Variants in RAD50 observed in about 807,000 individuals in gnomAD.
The protein encoded by RAD50 is RAD50 double strand break repair protein.
In RAD50, 132 loss-of-function variants were observed where a neutral mutation model predicts 168.8. The observed-to-expected ratio is 0.78, with a 90% CI of 0.68 to 0.90. The LOEUF is 0.90. Among genes scored for constraint, RAD50 ranks in the 40% least tolerant of loss-of-function variants. The pLI is 0.00. For missense variants in RAD50, 1,347 were observed against 1,534.4 expected, an observed-to-expected ratio of 0.88 and a Z score of 2.04; for synonymous variants, 525 against 497.4, an observed-to-expected ratio of 1.06 and a Z score of -0.74.
At position 132,644,631 on chromosome 5, in the gene RAD50, C is replaced by G. The variant is rs1751812154; in HGVS notation, c.*2267C>G. The stretch of plus-strand genomic sequence containing the variant: ...AGCTGTCTTCATTTCACTCTTGTTG[C>G]AGTTATCTTTCATTCCCAGCTTGGT... On this transcript the variant is annotated 3_prime_UTR_variant, in exon 25 of 25. Coordinates refer to ENST00000378823, the MANE Select transcript of RAD50 (RefSeq NM_005732.4). 1 of 178,904 alleles carries G rather than the reference C, an allele frequency of 5.6e-6. No homozygotes were observed. The highest frequency in any genetic ancestry group is 2.4e-5 in the African/African-American group (1 of 42,334). 11.1% of individuals were successfully genotyped at this position (178,904 alleles called of 1,614,324 possible). A position where few individuals can be genotyped will look rare whatever the true frequency, so the allele number is the denominator to read the frequency against.
intron 21 of RAD50, among the ~76,000 whole-genome samples, chr5:132,631,117 A>C (rs1482052182): frequency 7.3e-6 from 1 of 137,238 alleles, no homozygotes; most frequent in East Asian, 2.0e-4. Flanking sequence ...AGAGAGTCTC[A>C]CTTTTTTTTT....
chr5:132,643,683 C>T lies in RAD50; in HGVS notation c.*1319C>T, dbSNP rs1432364465. The T allele has an allele frequency of 6.0e-6, 1 of 165,912 alleles. No individual in the cohort carries two copies. Among genetic ancestry groups the T allele is most frequent in the African/African-American group, 2.7e-5 (1 of 37,628 alleles). The allele number at this position is 165,912 out of a possible 1,614,324, so 10.3% of individuals were successfully genotyped here. A position where few individuals can be genotyped will look rare whatever the true frequency, so the allele number is the denominator to read the frequency against. ...GGAAACTTTGCAGATGTGATTAAAG[C>T]TAAGGACCTTAAGACAGAGTATCCT... is the stretch of plus-strand genomic sequence containing the variant. On this transcript the variant is annotated 3_prime_UTR_variant, in exon 25 of 25. Coordinates refer to ENST00000378823, the MANE Select transcript of RAD50 (RefSeq NM_005732.4).
At chr5:132,585,918 A>G (rs1398894269) in intron 5 of RAD50, among the ~76,000 whole-genome samples, 1 of 152,186 alleles carries the variant, frequency 6.6e-6, no homozygotes, top group Non-Finnish European at 1.5e-5. Flanking sequence ...TGTTCTGGAT[A>G]CAAGCCCTTT....
At position 132,579,521 on chromosome 5, in the gene RAD50, G is replaced by A. The variant is rs17166050; in HGVS notation, c.551+19G>A. On this transcript the variant is annotated intron_variant, in intron 4 of 24. Transcript: ENST00000378823. Reference sequence around the variant, plus strand: ...CAACAAGGTTTGTAACCCTTAAATAGACTTTGTAGTCCATTAAGTTATTGA... The same window carrying A: ...CAACAAGGTTTGTAACCCTTAAATAAACTTTGTAGTCCATTAAGTTATTGA... The A allele has an allele frequency of 0.2, 311,597 of 1,597,502 alleles. 31,613 individuals carry two copies. Among genetic ancestry groups the A allele is most frequent in the South Asian group, 0.23 (20,471 of 90,496 alleles).
chr5:132,569,568 AAAG>A (rs1750265876), intron 2 of RAD50, among the ~76,000 whole-genome samples: 1 of 152,234 alleles, frequency 6.6e-6, no homozygotes, highest in Admixed American at 6.5e-5. Flanking sequence ...TCAGTAGAGA[AAAG>A]AAGCAGATGA....
intron 3 of RAD50, among the ~76,000 whole-genome samples, chr5:132,578,450 A>G (rs1169663794): frequency 1.4e-5 from 2 of 147,764 alleles, no homozygotes; most frequent in Non-Finnish European, 3.0e-5. Flanking sequence ...GTGATAACCT[A>G]TTGATTTATC....
At chr5:132,601,943 C>T (rs1750896591) in intron 13 of RAD50, among the ~76,000 whole-genome samples, 2 of 151,962 alleles carry the variant, frequency 1.3e-5, no homozygotes, top group South Asian at 4.2e-4. Context: ...CACATGGACA[C>T]AGGGAGGGGA....
chr5:132,575,652 C>G, intron 2 of RAD50, 125 bp from the exon 3 acceptor site: 1 of 859,184 alleles, frequency 1.2e-6, no homozygotes, highest in African/African-American at 1.7e-5. Flanking sequence ...GTAAAAATAT[C>G]ACTCATTTTG....
chr5:132,587,401 C>T lies in RAD50; in HGVS notation c.757-161C>T, dbSNP rs576135894. On this transcript the variant is annotated intron_variant, in intron 5 of 24. Coordinates refer to ENST00000378823, the MANE Select transcript of RAD50 (RefSeq NM_005732.4). ...ACTTGGGCCAAGTTACTTAATGTCTCTGAACTTCAGTTTCTCTAGGCCTGC... is the reference window on the plus strand; with the variant it reads ...ACTTGGGCCAAGTTACTTAATGTCTTTGAACTTCAGTTTCTCTAGGCCTGC... Among the ~76,000 whole-genome samples, 3 of 152,294 alleles carry T rather than the reference C, an allele frequency of 2.0e-5. No individual in the cohort carries two copies. The East Asian group carries it at 5.8e-4, about 29-fold the overall frequency.
chr5:132,568,372 G>A (rs1034853388), intron 2 of RAD50, among the ~76,000 whole-genome samples: 1 of 151,862 alleles, frequency 6.6e-6, no homozygotes, highest in African/African-American at 2.4e-5. Context: ...CATGAGCCAC[G>A]ACGCCCGACC....
At chr5:132,598,371 A>G (rs1041070386) in intron 13 of RAD50, among the ~76,000 whole-genome samples, 7 of 152,172 alleles carry the variant, frequency 4.6e-5, no homozygotes, top group Admixed American at 3.3e-4. Flanking sequence ...TCTAAGAGTA[A>G]GGTGCATGTC....
At chr5:132,561,505 A>T (rs569764206) in intron 2 of RAD50, among the ~76,000 whole-genome samples, 1 of 152,054 alleles carries the variant, frequency 6.6e-6, no homozygotes, top group African/African-American at 2.4e-5. Context: ...CTTGATTTCT[A>T]AAAGCCAGTG....
chr5:132,633,125 G>C (rs2149860692), intron 21 of RAD50, among the ~76,000 whole-genome samples: 1 of 119,698 alleles, frequency 8.4e-6, no homozygotes, highest in Admixed American at 9.9e-5. Context: ...TTTTGAGACA[G>C]AGTCTAGCTC....
rs764554481 is a variant in RAD50 at position 132,588,096 on chromosome 5, C to T, written c.1051+7C>T. ...GAACTGCTTGTTGAACAGGGTAGGA[C>T]AAAATGTTTATTTGGTCGTTTTTCC... On this transcript the variant is annotated splice_region_variant and intron_variant, in intron 7 of 24. Coordinates refer to ENST00000378823, the MANE Select transcript of RAD50 (RefSeq NM_005732.4). 6.2e-7 allele frequency: 1 copy of T among 1,606,790 alleles called. No homozygotes were observed. Among genetic ancestry groups the T allele is most frequent in the Non-Finnish European group, 8.5e-7 (1 of 1,173,834 alleles).
At chr5:132,587,760 A>G (rs1750620828) in intron 6 of RAD50, 70 bp downstream of exon 6, 1 of 1,602,398 alleles carries the variant, frequency 6.2e-7, no homozygotes, top group African/African-American at 1.3e-5. Context: ...ATTTGAATCC[A>G]TTTTGCCATC....
At chr5:132,595,950 G>A in intron 13 of RAD50, 140 bp downstream of exon 13, 1 of 775,512 alleles carries the variant, frequency 1.3e-6, no homozygotes, top group Non-Finnish European at 2.2e-6. Flanking sequence ...ATGATAAGAA[G>A]ATTCAATTAT....
At chr5:132,581,494 G>A (rs139750364) in intron 5 of RAD50, among the ~76,000 whole-genome samples, 2,347 of 152,170 alleles carry the variant, frequency 0.015, 32 homozygotes, top group Non-Finnish European at 0.025. Context: ...AAGGATATTA[G>A]GTGAAAAGTA....
At chr5:132,640,429 C>T (rs192567121) in intron 23 of RAD50, among the ~76,000 whole-genome samples, 1 of 152,340 alleles carries the variant, frequency 6.6e-6, no homozygotes, top group East Asian at 1.9e-4. Context: ...GTGAGAGCAT[C>T]AGCGTTGTTC....
chr5:132,586,435 C>G (rs1032360952), intron 5 of RAD50, among the ~76,000 whole-genome samples: 2 of 152,108 alleles, frequency 1.3e-5, no homozygotes, highest in African/African-American at 4.8e-5. Flanking sequence ...GACTGTTGCT[C>G]TTGGTAAAAT....
Sources: allele counts gnomAD v4.1 joint callset (sites outside exome capture counted in the v4.1 genomes callset), GRCh38; gene constraint gnomAD v4.1.1; transcripts MANE v1.5; gene names NCBI Gene and HGNC (gene_info 2026-07-23, HGNC 2026-07-21).